The following UVRAG variants were observed in gnomAD, a reference collection of about 807,000 sequenced individuals.
UVRAG encodes the protein UV radiation resistance-associated gene protein.
A neutral mutation model predicts 78.0 loss-of-function variants in UVRAG; 19 were observed. The ratio of observed to expected loss-of-function variants is 0.24; its 90% CI spans 0.17 to 0.36. The LOEUF is 0.36. UVRAG is among the 10% of genes least tolerant of loss of function. The pLI, the probability that UVRAG is intolerant of heterozygous loss-of-function variation, is 1.00. For synonymous variants in UVRAG, 323 were observed against 324.6 expected, an observed-to-expected ratio of 1.00 and a Z score of 0.05; for missense variants, 740 against 853.8, an observed-to-expected ratio of 0.87 and a Z score of 1.66.
chr11:76,080,798 TAA>T (rs1951480720), intron 13 of UVRAG, among the ~76,000 whole-genome samples: 2 of 152,182 alleles, frequency 1.3e-5, no homozygotes, highest in African/African-American at 4.8e-5. Flanking sequence ...TCATACTTTG[TAA>T]AACACAGCTA....
At chr11:75,868,657 G>C (rs1339681014) in intron 3 of UVRAG, among the ~76,000 whole-genome samples, 1 of 152,194 alleles carries the variant, frequency 6.6e-6, no homozygotes, top group Admixed American at 6.5e-5. Flanking sequence ...GGAGAGGTTA[G>C]ATCCTTGATA....
intron 2 of UVRAG, among the ~76,000 whole-genome samples, chr11:75,852,298 T>G (rs1251469454): frequency 1.3e-5 from 2 of 152,214 alleles, no homozygotes; most frequent in African/African-American, 4.8e-5. Flanking sequence ...TGTAGTAATT[T>G]TACTTTTATA....
chr11:76,097,894 A>G (rs909540781), intron 13 of UVRAG, among the ~76,000 whole-genome samples: 7 of 152,154 alleles, frequency 4.6e-5, no homozygotes, highest in African/African-American at 1.7e-4. Flanking sequence ...ATAGTTTTAT[A>G]TCCTCTACCT....
chr11:76,014,122 TG>T (rs1375264997), intron 11 of UVRAG, among the ~76,000 whole-genome samples: 1 of 152,218 alleles, frequency 6.6e-6, no homozygotes, highest in Non-Finnish European at 1.5e-5. Flanking sequence ...AAAGTTGTTT[TG>T]TTCATTGGTG....
chr11:76,054,242 A>G (rs530991061), intron 12 of UVRAG, among the ~76,000 whole-genome samples: 8 of 151,946 alleles, frequency 5.3e-5, no homozygotes, highest in Non-Finnish European at 1.2e-4. Context: ...TTCCTCTCAC[A>G]CCTCATAGAA....
At position 76,066,167 on chromosome 11, in the gene UVRAG, C is replaced by G. The variant is rs369511543; in HGVS notation, c.1305+379C>G. 1.6e-4 allele frequency among the ~76,000 whole-genome samples: 24 copies of G among 152,264 alleles called. No homozygotes were observed. The East Asian group carries it at 4.6e-3, about 29-fold the overall frequency. ...CATTGTTGTTTATGGAGTAAAAGTT[C>G]AGTGCCTTTGCAAGTACTTCATGGT... On this transcript the variant is annotated intron_variant, in intron 13 of 14. Coordinates refer to ENST00000356136, the MANE Select transcript of UVRAG (RefSeq NM_003369.4).
intron 12 of UVRAG, among the ~76,000 whole-genome samples, chr11:76,058,149 C>T (rs1328476812): frequency 6.6e-6 from 1 of 152,048 alleles, no homozygotes; most frequent in Non-Finnish European, 1.5e-5. Context: ...ATTTCTGAAC[C>T]CCTAAGCATA....
At chr11:76,057,303 A>G (rs954965018) in intron 12 of UVRAG, among the ~76,000 whole-genome samples, 1 of 152,194 alleles carries the variant, frequency 6.6e-6, no homozygotes, top group East Asian at 1.9e-4. Context: ...TTTAGCCCGA[A>G]CCAATGGATA....
chr11:75,831,847 C>T (rs1945666153), intron 1 of UVRAG, among the ~76,000 whole-genome samples: 2 of 152,182 alleles, frequency 1.3e-5, no homozygotes, highest in African/African-American at 2.4e-5. Context: ...AACACCGTAG[C>T]TTAGCCTAGC....
chr11:76,101,074 G>A (rs751819469), intron 13 of UVRAG, among the ~76,000 whole-genome samples: 8 of 151,648 alleles, frequency 5.3e-5, no homozygotes, highest in Non-Finnish European at 7.4e-5. Flanking sequence ...GAACATACAC[G>A]TGCATATGTC....
chr11:75,847,284 CG>C (rs1387115553), intron 1 of UVRAG, among the ~76,000 whole-genome samples: 2 of 151,712 alleles, frequency 1.3e-5, no homozygotes, highest in Admixed American at 6.6e-5. Context: ...TGTGCCACCA[CG>C]CCTGGCTAAC....
intron 1 of UVRAG, among the ~76,000 whole-genome samples, chr11:75,821,975 G>A (rs1327648068): frequency 2.4e-5 from 3 of 122,724 alleles, no homozygotes; most frequent in African/African-American, 9.6e-5. Context: ...ACAGAGTTTC[G>A]CTCTTGTTGC....
chr11:75,970,276 T>C (rs1343225339), intron 7 of UVRAG, among the ~76,000 whole-genome samples: 2 of 152,226 alleles, frequency 1.3e-5, no homozygotes, highest in African/African-American at 4.8e-5. Flanking sequence ...GTAGTATTTA[T>C]ATGGAAACGT....
At chr11:75,849,548 A>G (rs1268057658) in intron 1 of UVRAG, among the ~76,000 whole-genome samples, 1 of 152,144 alleles carries the variant, frequency 6.6e-6, no homozygotes, top group African/African-American at 2.4e-5. Context: ...TAGGGTTGTT[A>G]TGAGAATTAA....
intron 12 of UVRAG, among the ~76,000 whole-genome samples, chr11:76,039,601 G>A (rs982851778): frequency 1.1e-4 from 16 of 152,350 alleles, no homozygotes; most frequent in Admixed American, 6.5e-4. Context: ...GAGGCCAGGC[G>A]CAGTGGCTCA....
At chr11:75,900,949 C>T (rs971762135) in intron 5 of UVRAG, among the ~76,000 whole-genome samples, 5 of 152,160 alleles carry the variant, frequency 3.3e-5, no homozygotes, top group African/African-American at 9.7e-5. Flanking sequence ...GGGATGTACT[C>T]ATTCAGCTCA....
At chr11:76,035,638 ATTG>A (rs1454444598) in intron 12 of UVRAG, among the ~76,000 whole-genome samples, 1 of 152,204 alleles carries the variant, frequency 6.6e-6, no homozygotes, top group African/African-American at 2.4e-5. Context: ...TGTGACAGGT[ATTG>A]TTCTATTGAT....
At chr11:75,941,839 T>C (rs1948490302) in intron 6 of UVRAG, among the ~76,000 whole-genome samples, 1 of 152,118 alleles carries the variant, frequency 6.6e-6, no homozygotes, top group Non-Finnish European at 1.5e-5. Context: ...CATTATGAAC[T>C]CTTGCATTGG....
chr11:75,850,952 T>G (rs969469939), intron 1 of UVRAG, among the ~76,000 whole-genome samples: 3 of 152,234 alleles, frequency 2.0e-5, no homozygotes, highest in African/African-American at 4.8e-5. Context: ...TTTGGCTGAC[T>G]GTGCCTGTAA....
Sources: allele counts gnomAD v4.1 joint callset (sites outside exome capture counted in the v4.1 genomes callset), GRCh38; gene constraint gnomAD v4.1.1; transcripts MANE v1.5; gene names NCBI Gene and HGNC (gene_info 2026-07-23, HGNC 2026-07-21).